The following FSD1L variants were observed in gnomAD, a reference collection of about 807,000 sequenced individuals.
FSD1L encodes the protein FSD1-like protein.
FSD1L carries 45 observed loss-of-function variants against 71.6 expected under a neutral mutation model. That is an observed-to-expected ratio of 0.63 (90% confidence interval 0.49 to 0.81). FSD1L has a LOEUF of 0.81. Ranked by LOEUF, FSD1L falls within the 30% of genes least tolerant of loss-of-function variation. FSD1L has a pLI of 0.00. For synonymous variants in FSD1L, 197 were observed against 207.2 expected (o/e 0.95, Z 0.42); for missense variants, 561 against 618.1 (o/e 0.91, Z 0.98).
At chr9:105,479,032 G>A (rs1296831779) in intron 5 of FSD1L, among the ~76,000 whole-genome samples, 4 of 152,192 alleles carry the variant, frequency 2.6e-5, no homozygotes, top group Admixed American at 2.0e-4. Flanking sequence ...ATGAGTATCA[G>A]ACTGAATGAA....
chr9:105,551,066 A>G lies in FSD1L; in HGVS notation c.*4583A>G, dbSNP rs1837243190. ...TAAAACACATTTTTGTTAGTATTGG[A>G]ACTTTCTGGAGAACATAAGGGCTAT... On this transcript the variant is annotated 3_prime_UTR_variant, in exon 14 of 14. Coordinates refer to ENST00000481272, the MANE Select transcript of FSD1L (RefSeq NM_001145313.3). 1 of 152,094 alleles carries G rather than the reference A, an allele frequency of 6.6e-6. No individual in the cohort carries two copies. The highest frequency in any genetic ancestry group is 6.6e-5 in the Admixed American group (1 of 15,258). 9.4% of individuals were successfully genotyped at this position (152,094 alleles called of 1,614,324 possible).
At chr9:105,515,566 A>G (rs1192126068) in intron 10 of FSD1L, among the ~76,000 whole-genome samples, 1 of 152,152 alleles carries the variant, frequency 6.6e-6, no homozygotes, top group Non-Finnish European at 1.5e-5. Context: ...TGTCTCACCC[A>G]GGAAGTGCAA....
chr9:105,484,266 T>A (rs1236031023), intron 6 of FSD1L, 115 bp from the exon 7 acceptor site: 1 of 703,888 alleles, frequency 1.4e-6, no homozygotes, highest in East Asian at 3.5e-5. Flanking sequence ...TTTTAACTTT[T>A]ATTATAGTCT....
Position 105,552,036 on chromosome 9 carries a change from CTGACA to C in FSD1L, c.*5555_*5559del, listed in dbSNP as rs1475386605. On this transcript the variant is annotated 3_prime_UTR_variant, in exon 14 of 14. Transcript: ENST00000481272. ...ACCTGGTTATCTCTTGGTATCTCTC[CTGACA>C]TATTTGTTTTGCTTTAAATTGGATT... 6.6e-6 allele frequency: 1 copy of C among 152,176 alleles called. No homozygotes were observed. The highest frequency in any genetic ancestry group is 1.5e-5 in the Non-Finnish European group (1 of 68,024). 9.4% of individuals were successfully genotyped at this position (152,176 alleles called of 1,614,324 possible).
intron 9 of FSD1L, among the ~76,000 whole-genome samples, 168 bp downstream of exon 9, chr9:105,508,883 G>T (rs1379557236): frequency 6.6e-6 from 1 of 152,156 alleles, no homozygotes; most frequent in African/African-American, 2.4e-5. Flanking sequence ...CTACAGTAGT[G>T]GTTTTCATTG....
chr9:105,525,672 C>T, intron 10 of FSD1L: 1 of 1,609,150 alleles, frequency 6.2e-7, no homozygotes, highest in Non-Finnish European at 8.5e-7. Flanking sequence ...GAGAGACACA[C>T]AAGATTGCAG....
intron 7 of FSD1L, among the ~76,000 whole-genome samples, chr9:105,497,705 C>G (rs953441500): frequency 2.6e-5 from 4 of 151,554 alleles, no homozygotes; most frequent in Admixed American, 2.0e-4. Context: ...TTGATGCCCC[C>G]TCTTTCATTT....
At chr9:105,454,825 G>A (rs1000856802) in intron 1 of FSD1L, among the ~76,000 whole-genome samples, 8 of 152,208 alleles carry the variant, frequency 5.3e-5, no homozygotes, top group Admixed American at 5.2e-4. Flanking sequence ...CTAGCATTTA[G>A]ACTTTTTCTC....
intron 12 of FSD1L, among the ~76,000 whole-genome samples, chr9:105,536,183 A>T (rs796198701): frequency 6.6e-6 from 1 of 152,184 alleles, no homozygotes; most frequent in South Asian, 2.1e-4. Flanking sequence ...AGCCTGTTTC[A>T]TTGTTGGACA....
intron 7 of FSD1L, among the ~76,000 whole-genome samples, chr9:105,502,655 A>C (rs998845552): frequency 1.3e-5 from 2 of 152,016 alleles, no homozygotes; most frequent in Non-Finnish European, 2.9e-5. Flanking sequence ...AGATATTACT[A>C]CTACTTTGAT....
intron 4 of FSD1L, 42 bp downstream of exon 4, chr9:105,468,366 A>G (rs145969512): frequency 4.2e-6 from 6 of 1,423,544 alleles, no homozygotes; most frequent in Admixed American, 3.5e-5. Context: ...ATTTTAGTCT[A>G]TTTAATCCTT....
Position 105,493,356 on chromosome 9 carries a change from C to G in FSD1L, c.586+8854C>G, listed in dbSNP as rs556832713. 6.5e-3 allele frequency among the ~76,000 whole-genome samples: 986 copies of G among 151,164 alleles called. 11 individuals carry two copies. The highest frequency in any genetic ancestry group is 0.022 in the African/African-American group (891 of 40,630). ...TTTTTAGTTTTCCATTTGCTTGGTACATCTTCCTCCATCCTTTTATTTTGA... is the reference window on the plus strand; with the variant it reads ...TTTTTAGTTTTCCATTTGCTTGGTAGATCTTCCTCCATCCTTTTATTTTGA... On this transcript the variant is annotated intron_variant, in intron 7 of 13. Transcript: ENST00000481272.
intron 7 of FSD1L, among the ~76,000 whole-genome samples, chr9:105,493,548 G>A (rs1416718559): frequency 2.0e-5 from 3 of 152,148 alleles, no homozygotes; most frequent in Admixed American, 2.0e-4. Flanking sequence ...TCATTATGAT[G>A]TTAGCTGGTG....
rs907288754 is a variant in FSD1L at position 105,548,077 on chromosome 9, G to T, written c.*1594G>T. 2.0e-5 allele frequency: 3 copies of T among 152,020 alleles called. No individual in the cohort carries two copies. Among genetic ancestry groups the T allele is most frequent in the African/African-American group, 7.2e-5 (3 of 41,418 alleles). 9.4% of individuals were successfully genotyped at this position (152,020 alleles called of 1,614,324 possible). A position where few individuals can be genotyped will look rare whatever the true frequency, so the allele number is the denominator to read the frequency against. On this transcript the variant is annotated 3_prime_UTR_variant, in exon 14 of 14. Transcript: ENST00000481272. ...GGAATTTTATTTGAATTGGAATATT[G>T]TTTTTCTAGAGGACATTCATATCTG...
intron 7 of FSD1L, among the ~76,000 whole-genome samples, chr9:105,485,533 G>GGTTTTTTTTTTTTT (rs1554705301): frequency 2.5e-5 from 2 of 79,406 alleles, no homozygotes; most frequent in Non-Finnish European, 4.7e-5. Context: ...TTGGTTAGGT[G>GGTTTTTTTTTTTTT]TTTTTTTTTT....
chr9:105,522,920 G>A (rs1449523085), intron 10 of FSD1L: 2 of 1,612,140 alleles, frequency 1.2e-6, no homozygotes, highest in Non-Finnish European at 1.7e-6. Context: ...ACCCAGGTGT[G>A]CCCTCAGAAT....
chr9:105,484,370 G>T lies in FSD1L; in HGVS notation c.465-11G>T. The T allele has an allele frequency of 6.8e-7, 1 of 1,474,634 alleles. No homozygotes were observed. The highest frequency in any genetic ancestry group is 1.5e-5 in the African/African-American group (1 of 68,562). The allele number at this position is 1,474,634 out of a possible 1,614,324, so 91.3% of individuals were successfully genotyped here. A position where few individuals can be genotyped will look rare whatever the true frequency, so the allele number is the denominator to read the frequency against. ...TCTTTATTTTAAAAAGTATGTTTGTGTTTACCGTAGAGTCACAATGGCTTC... is the reference window on the plus strand; with the variant it reads ...TCTTTATTTTAAAAAGTATGTTTGTTTTTACCGTAGAGTCACAATGGCTTC... On this transcript the variant is annotated splice_polypyrimidine_tract_variant and intron_variant, in intron 6 of 13. Transcript: ENST00000481272.
chr9:105,535,543 T>G (rs187226705), intron 12 of FSD1L, among the ~76,000 whole-genome samples: 11 of 152,332 alleles, frequency 7.2e-5, no homozygotes, highest in Admixed American at 7.2e-4. Flanking sequence ...ATACTAAGTC[T>G]GAAAGATTTT....
At chr9:105,522,505 G>A (rs903336967) in intron 10 of FSD1L, 20 of 1,613,670 alleles carry the variant, frequency 1.2e-5, no homozygotes, top group Non-Finnish European at 1.6e-5. Context: ...AGTATAGTAC[G>A]GCAAAAAACT....
Sources: gnomAD v4.1 joint callset for allele counts (sites outside exome capture counted in the v4.1 genomes callset) on GRCh38, gnomAD v4.1.1 for gene constraint, MANE v1.5 for transcripts, NCBI Gene and HGNC (gene_info 2026-07-23, HGNC 2026-07-21) for gene names.